The following DSCAM variants were observed in gnomAD, a reference collection of about 807,000 sequenced individuals.
The protein encoded by DSCAM is DS cell adhesion molecule.
In DSCAM, 47 loss-of-function variants were observed where a neutral mutation model predicts 217.7. The ratio of observed to expected loss-of-function variants is 0.22; its 90% confidence interval spans 0.17 to 0.28. DSCAM has a LOEUF of 0.28. DSCAM is among the 10% of genes least tolerant of loss of function. DSCAM has a pLI of 1.00. For synonymous variants in DSCAM, 1,056 were observed against 1,015.3 expected (o/e 1.04, Z -0.76); for missense variants, 2,080 against 2,618.3 (o/e 0.79, Z 4.49).
intron 9 of DSCAM, among the ~76,000 whole-genome samples, chr21:40,301,549 C>T (rs746776050): frequency 8.5e-6 from 1 of 117,320 alleles, no homozygotes; most frequent in African/African-American, 5.0e-5. Flanking sequence ...GTTTCTGATG[C>T]TGTGGATAAG....
chr21:40,544,851 T>C (rs2076568627), intron 3 of DSCAM, among the ~76,000 whole-genome samples: 3 of 152,034 alleles, frequency 2.0e-5, no homozygotes, highest in Admixed American at 6.5e-5. Context: ...AAATTGAACT[T>C]GCGTCACTTT....
At chr21:40,264,374 A>C (rs2073494719) in intron 11 of DSCAM, among the ~76,000 whole-genome samples, 1 of 152,166 alleles carries the variant, frequency 6.6e-6, no homozygotes, top group South Asian at 2.1e-4. Context: ...TCACCATGAT[A>C]ATTCTAAAGA....
intron 1 of DSCAM, among the ~76,000 whole-genome samples, chr21:40,809,676 C>T (rs1306578022): frequency 6.6e-6 from 1 of 152,218 alleles, no homozygotes; most frequent in Non-Finnish European, 1.5e-5. Context: ...CTTCTGTCAA[C>T]TGGCATTTTC....
intron 11 of DSCAM, among the ~76,000 whole-genome samples, chr21:40,271,705 A>T (rs543521364): frequency 2.8e-4 from 42 of 152,274 alleles, no homozygotes; most frequent in African/African-American, 9.6e-4. Context: ...CGCTTCCCTC[A>T]TATTTTGCCC....
intron 3 of DSCAM, among the ~76,000 whole-genome samples, chr21:40,468,683 T>C (rs562613213): frequency 9.9e-5 from 15 of 152,158 alleles, no homozygotes; most frequent in Non-Finnish European, 1.9e-4. Flanking sequence ...CTCGATAGCC[T>C]AAGGGGTTTA....
At chr21:40,429,115 T>C (rs1208868065) in intron 3 of DSCAM, among the ~76,000 whole-genome samples, 3 of 152,196 alleles carry the variant, frequency 2.0e-5, no homozygotes, top group Admixed American at 6.5e-5. Flanking sequence ...AAATTTTCAA[T>C]GTTATTATAT....
In DSCAM at chr21:40,142,626, G is replaced by A; in HGVS notation, c.3338C>T (p.Ser1113Phe). 1 of 1,614,166 alleles carries A rather than the reference G, an allele frequency of 6.2e-7. No individual in the cohort carries two copies. The highest frequency in any genetic ancestry group is 8.5e-7 in the Non-Finnish European group (1 of 1,180,036). Residue 1113 changes from serine (S) to phenylalanine (F), a missense_variant, in exon 18 of 33, where the codon TCC becomes TTC. Physicochemically the swap from Ser to Phe is radical, Grantham distance 155 (BLOSUM62 -2). Around this residue, in one of 5 missense-constraint regions of DSCAM, gnomAD observed 1,144 missense variants for 1,421.1 expected, o/e 0.81. Coordinates refer to ENST00000400454, the MANE Select transcript of DSCAM (RefSeq NM_001389.5). ...GAGAATTCCATTCAAGGCTTCCTTGGAAAGTGTGGACCAGGATATTGATAT... is the reference window on the plus strand; with the variant it reads ...GAGAATTCCATTCAAGGCTTCCTTGAAAAGTGTGGACCAGGATATTGATAT... ...ESISISWSTL[S>F]KEALNGILQG...
At position 40,563,698 on chromosome 21, in the gene DSCAM, A is replaced by G. The variant is rs187230571; in HGVS notation, c.508+129112T>C. On this transcript the variant is annotated intron_variant, in intron 3 of 32. Coordinates refer to ENST00000400454, the MANE Select transcript of DSCAM (RefSeq NM_001389.5). ...TGTTTATATGTTTATATATAGTTATATGTGTGTATATAGTTATGTTTATAT... is the reference window on the plus strand; with the variant it reads ...TGTTTATATGTTTATATATAGTTATGTGTGTGTATATAGTTATGTTTATAT... Among the ~76,000 whole-genome samples the G allele has an allele frequency of 7.2e-4, 36 of 50,204 alleles. 1 individual carries two copies. In the East Asian group the frequency reaches 0.014, roughly 19 times the overall value. The allele number at this position is 50,204 out of a possible 152,430, so 32.9% of individuals were successfully genotyped here. A position where few individuals can be genotyped will look rare whatever the true frequency, so the allele number is the denominator to read the frequency against.
intron 3 of DSCAM, among the ~76,000 whole-genome samples, chr21:40,579,823 T>G (rs2034874277): frequency 8.6e-6 from 1 of 116,224 alleles, no homozygotes; most frequent in Non-Finnish European, 1.9e-5. Flanking sequence ...TATCAGACCT[T>G]CACCACAAAA....
At position 40,708,473 on chromosome 21, in the gene DSCAM, C is replaced by T. The variant is rs1352218330; in HGVS notation, c.342G>A (p.Gln114=). Reference sequence around the variant, plus strand: ...ACTCACCAGCCTTGATGTGGACATCCTGACTTCTAATTTTCCCTGAAGGAT... The same window carrying T: ...ACTCACCAGCCTTGATGTGGACATCTTGACTTCTAATTTTCCCTGAAGGAT... ...AENPSGKIRS[Q]DVHIKAVLRE... is the part of the protein sequence containing the mutation. The change falls in exon 2 of 33, where the codon CAG becomes CAA. Residue 114 remains glutamine (Q), a synonymous_variant. Coordinates refer to ENST00000400454, the MANE Select transcript of DSCAM (RefSeq NM_001389.5). 2 of 1,509,906 alleles carry T rather than the reference C, an allele frequency of 1.3e-6. No individual in the cohort carries two copies. The highest frequency in any genetic ancestry group is 1.8e-6 in the Non-Finnish European group (2 of 1,125,124). 93.5% of individuals were successfully genotyped at this position (1,509,906 alleles called of 1,614,324 possible).
At chr21:40,221,396 A>T (rs1569007862) in intron 11 of DSCAM, among the ~76,000 whole-genome samples, 1 of 149,044 alleles carries the variant, frequency 6.7e-6, no homozygotes, top group Non-Finnish European at 1.5e-5. Context: ...ACATATATGT[A>T]TAATATATAA....
chr21:40,029,040 C>T (rs2088463246), intron 32 of DSCAM, among the ~76,000 whole-genome samples: 1 of 152,056 alleles, frequency 6.6e-6, no homozygotes, highest in South Asian at 2.1e-4. Context: ...TGTCTTCTTC[C>T]ATAAGGGATG....
At chr21:40,293,163 T>C (rs935109025) in intron 10 of DSCAM, among the ~76,000 whole-genome samples, 5 of 152,184 alleles carry the variant, frequency 3.3e-5, no homozygotes, top group African/African-American at 1.2e-4. Context: ...ACACACATTA[T>C]GTCCATGATG....
chr21:40,544,524 C>T (rs547867756), intron 3 of DSCAM, among the ~76,000 whole-genome samples: 14 of 152,086 alleles, frequency 9.2e-5, no homozygotes, highest in African/African-American at 2.7e-4. Context: ...GAACCCCCTG[C>T]GAAGATGAAG....
At position 40,804,887 on chromosome 21, in the gene DSCAM, A is replaced by G. The variant is rs1318435402; in HGVS notation, c.43+41732T>C. 2.0e-5 allele frequency among the ~76,000 whole-genome samples: 3 copies of G among 152,042 alleles called. 1 individual carries two copies. The highest frequency in any genetic ancestry group is 4.2e-4 in the South Asian group (2 of 4,792). On this transcript the variant is annotated intron_variant, in intron 1 of 32. Transcript: ENST00000400454. ...CCGCTGCTACATTGTACCCCACCCA[A>G]TTGTATTCAGAGGTGTTTCAAGCTG...
At chr21:40,251,481 T>G (rs1342060740) in intron 11 of DSCAM, among the ~76,000 whole-genome samples, 1 of 152,236 alleles carries the variant, frequency 6.6e-6, no homozygotes, top group South Asian at 2.1e-4. Context: ...ACTTCTCCTA[T>G]TTCCTAGTCT....
At chr21:40,540,432 C>T (rs958294236) in intron 3 of DSCAM, among the ~76,000 whole-genome samples, 7 of 152,238 alleles carry the variant, frequency 4.6e-5, no homozygotes, top group East Asian at 1.9e-4. Context: ...CCCACATCTA[C>T]GTCCCTCCAT....
At chr21:40,164,502 T>A (rs1279853731) in intron 16 of DSCAM, among the ~76,000 whole-genome samples, 1 of 152,058 alleles carries the variant, frequency 6.6e-6, no homozygotes, top group African/African-American at 2.4e-5. Context: ...AAGAAATAAC[T>A]AAGATAAAAA....
In DSCAM at chr21:40,014,359, C is replaced by T. The variant is rs1370619793; in HGVS notation, c.5687-973G>A. Among the ~76,000 whole-genome samples, 3 of 152,182 alleles carry T rather than the reference C, an allele frequency of 2.0e-5. No individual in the cohort carries two copies. The East Asian group carries it at 5.8e-4, about 29-fold the overall frequency. ...GAGCTGAGATTATGCCACTGCACTCCAGCCTGGGTGACAGAGCAAGACTCA... is the reference window on the plus strand; with the variant it reads ...GAGCTGAGATTATGCCACTGCACTCTAGCCTGGGTGACAGAGCAAGACTCA... On this transcript the variant is annotated intron_variant, in intron 32 of 32. Coordinates refer to ENST00000400454, the MANE Select transcript of DSCAM (RefSeq NM_001389.5).
Sources: allele counts gnomAD v4.1 joint callset (sites outside exome capture counted in the v4.1 genomes callset), GRCh38; gene constraint gnomAD v4.1.1; regional missense constraint gnomAD v4.1.1; transcripts MANE v1.5; gene names NCBI Gene and HGNC (gene_info 2026-07-23, HGNC 2026-07-21).